TTL: variants seen among roughly 807,000 people sequenced by gnomAD.
TTL encodes the protein tubulin tyrosine ligase, also known as tubulin--tyrosine ligase.
In TTL, 10 loss-of-function variants were observed where a neutral mutation model predicts 41.1. The ratio of observed to expected loss-of-function variants is 0.24; its 90% CI spans 0.15 to 0.41. The LOEUF (loss-of-function observed/expected upper bound fraction) is 0.41, where lower values mean the gene tolerates loss of function less well. Ranked by LOEUF, TTL falls within the 10% of genes least tolerant of loss-of-function variation. TTL has a pLI of 1.00. For missense variants in TTL, 367 were observed against 460.4 expected (o/e 0.80, Z 1.86); for synonymous variants, 175 against 175.5 (o/e 1.00, Z 0.02).
chr2:112,511,181 AT>A (rs952388913), intron 5 of TTL, among the ~76,000 whole-genome samples: 1 of 151,348 alleles, frequency 6.6e-6, no homozygotes, highest in South Asian at 2.1e-4. Context: ...TGATTTTTGT[AT>A]TTTTTTTGTA....
chr2:112,524,644 A>C (rs565138184), intron 6 of TTL, among the ~76,000 whole-genome samples: 1 of 151,686 alleles, frequency 6.6e-6, no homozygotes, highest in African/African-American at 2.4e-5. Flanking sequence ...GGGTTGTTTG[A>C]TTTTTTCTTG....
chr2:112,515,138 A>AT (rs1229027270), intron 5 of TTL, among the ~76,000 whole-genome samples: 2 of 152,182 alleles, frequency 1.3e-5, no homozygotes, highest in African/African-American at 2.4e-5. Context: ...TTTCTTGAAG[A>AT]TAATGGCAAT....
At chr2:112,502,881 T>G (rs1431362948) in intron 4 of TTL, 31 bp from the exon 5 acceptor site, 4 of 1,580,080 alleles carry the variant, frequency 2.5e-6, no homozygotes, top group Non-Finnish European at 3.4e-6. Flanking sequence ...TTGGATGACT[T>G]GAGTAAAGCA....
In TTL at chr2:112,534,168, A is replaced by G. The variant is rs561040472; in HGVS notation, c.*5373A>G. On this transcript the variant is annotated 3_prime_UTR_variant, in exon 7 of 7. Coordinates refer to ENST00000233336, the MANE Select transcript of TTL (RefSeq NM_153712.5). The stretch of plus-strand genomic sequence containing the variant: ...ACCCCATCTCTACTAAAAATACAAA[A>G]AATTAGCCGGGCGCGGTGGCAGGTG... 1 of 152,112 alleles carries G rather than the reference A, an allele frequency of 6.6e-6. No homozygotes were observed. Among genetic ancestry groups the G allele is most frequent in the Non-Finnish European group, 1.5e-5 (1 of 68,146 alleles). 9.4% of individuals were successfully genotyped at this position (152,112 alleles called of 1,614,324 possible). A position where few individuals can be genotyped will look rare whatever the true frequency, so the allele number is the denominator to read the frequency against.
Position 112,539,904 on chromosome 2 carries a change from A to G in TTL, c.*11109A>G, listed in dbSNP as rs571877523. The G allele has an allele frequency of 2.0e-5, 3 of 152,374 alleles. No individual in the cohort carries two copies. The South Asian group carries it at 6.2e-4, about 32-fold the overall frequency. The allele number at this position is 152,374 out of a possible 1,614,324, so 9.4% of individuals were successfully genotyped here. ...CAAACAATTTGAAGTTAAGAAAACA[A>G]TTCCATTTATATCAACACCAAAAAG... On this transcript the variant is annotated 3_prime_UTR_variant, in exon 7 of 7. Coordinates refer to ENST00000233336, the MANE Select transcript of TTL (RefSeq NM_153712.5).
chr2:112,494,566 C>G (rs1473709756), intron 3 of TTL, among the ~76,000 whole-genome samples, 191 bp downstream of exon 3: 1 of 152,330 alleles, frequency 6.6e-6, no homozygotes, highest in Non-Finnish European at 1.5e-5. Flanking sequence ...CCTTTAAGCT[C>G]TAGATCCATT....
intron 5 of TTL, among the ~76,000 whole-genome samples, chr2:112,518,678 C>CT (rs11421229): frequency 0.41 from 57,907 of 140,052 alleles, 12,074 homozygotes; most frequent in East Asian, 0.58. Flanking sequence ...TTTTTCTTTT[C>CT]TTTTTTTTTT....
At chr2:112,486,239 G>A (rs979604593) in intron 2 of TTL, among the ~76,000 whole-genome samples, 1 of 152,188 alleles carries the variant, frequency 6.6e-6, no homozygotes, top group African/African-American at 2.4e-5. Flanking sequence ...GTGATTTCCT[G>A]GGGTAGGATT....
rs966449613 is a variant in TTL at position 112,523,336 on chromosome 2, G to A, written c.1019+2911G>A. Reference sequence around the variant, plus strand: ...TAACTCATCAGAAGAAACTGTCTGTGGGTGTGTGTGTGTCTGTGTGTGTGT... The same window carrying A: ...TAACTCATCAGAAGAAACTGTCTGTAGGTGTGTGTGTGTCTGTGTGTGTGT... On this transcript the variant is annotated intron_variant, in intron 6 of 6. Transcript: ENST00000233336. 1.1e-4 allele frequency among the ~76,000 whole-genome samples: 11 copies of A among 98,668 alleles called. No individual in the cohort carries two copies. In the East Asian group the frequency reaches 3.2e-3, roughly 29 times the overall value. The allele number at this position is 98,668 out of a possible 152,430, so 64.7% of individuals were successfully genotyped here.
rs1420203799 is a variant in TTL at position 112,513,428 on chromosome 2, T to A, written c.876-6854T>A. 2.0e-5 allele frequency among the ~76,000 whole-genome samples: 3 copies of A among 152,020 alleles called. No homozygotes were observed. In the East Asian group the frequency reaches 5.8e-4, roughly 29 times the overall value. On this transcript the variant is annotated intron_variant, in intron 5 of 6. Transcript: ENST00000233336. ...TATTTACCCATATACTTCCTTAAGT[T>A]TTAAAGTTCTGACTCTCTCTCTTAT...
At position 112,494,200 on chromosome 2, in the gene TTL, T is replaced by C. The variant is rs776433570; in HGVS notation, c.294T>C (p.Tyr98=). ...CCTGCACATGGTTCCCTGAATCTTATGTGATTTATCCAACCAATCTCAAGA... is the reference window on the plus strand; with the variant it reads ...CCTGCACATGGTTCCCTGAATCTTACGTGATTTATCCAACCAATCTCAAGA... The part of the protein sequence containing the change: ...AESCTWFPES[Y]VIYPTNLKTP... Residue 98 remains tyrosine (Y), a synonymous_variant, in exon 3 of 7, where the codon TAT becomes TAC. Transcript: ENST00000233336. 1.3e-5 allele frequency: 21 copies of C among 1,614,098 alleles called. No homozygotes were observed. Among genetic ancestry groups the C allele is most frequent in the East Asian group, 4.5e-5 (2 of 44,904 alleles).
intron 2 of TTL, among the ~76,000 whole-genome samples, chr2:112,488,339 T>G (rs941589589): frequency 6.6e-6 from 1 of 152,234 alleles, no homozygotes; most frequent in African/African-American, 2.4e-5. Flanking sequence ...GTCTTGGTTC[T>G]GTGCAGGAAA....
chr2:112,514,380 T>A lies in TTL; in HGVS notation c.876-5902T>A, dbSNP rs1173699857. Among the ~76,000 whole-genome samples, 5 of 124,826 alleles carry A rather than the reference T, an allele frequency of 4.0e-5. No homozygotes were observed. In the East Asian group the frequency reaches 1.3e-3, roughly 33 times the overall value. 81.9% of individuals were successfully genotyped at this position (124,826 alleles called of 152,430 possible). ...CTGGGTGACAGAGCAAGACTCTGTT[T>A]CAAAAAAAAAAAAACTAATTTTTAG... is the stretch of plus-strand genomic sequence containing the variant. On this transcript the variant is annotated intron_variant, in intron 5 of 6. Transcript: ENST00000233336.
At chr2:112,490,045 A>G (rs1298124182) in intron 2 of TTL, among the ~76,000 whole-genome samples, 2 of 152,204 alleles carry the variant, frequency 1.3e-5, no homozygotes, top group African/African-American at 2.4e-5. Flanking sequence ...TTCTGTTTCC[A>G]TGAACTGGAG....
chr2:112,499,498 A>G (rs1333787331), intron 3 of TTL, among the ~76,000 whole-genome samples: 1 of 152,228 alleles, frequency 6.6e-6, no homozygotes, highest in Admixed American at 6.5e-5. Context: ...TTCACACCTC[A>G]TACAAAAACT....
intron 2 of TTL, among the ~76,000 whole-genome samples, chr2:112,492,441 T>C (rs1681413177): frequency 6.6e-6 from 1 of 151,982 alleles, no homozygotes; most frequent in Non-Finnish European, 1.5e-5. Context: ...AAAAATTAGC[T>C]GGGTGTGGGC....
intron 2 of TTL, among the ~76,000 whole-genome samples, chr2:112,488,784 C>A (rs1444199220): frequency 7.3e-6 from 1 of 137,430 alleles, no homozygotes; most frequent in Non-Finnish European, 1.6e-5. Flanking sequence ...AAAGTAACAG[C>A]TGCAATTAAA....
chr2:112,527,951 C>T (rs1266430443), intron 6 of TTL, among the ~76,000 whole-genome samples: 2 of 152,106 alleles, frequency 1.3e-5, no homozygotes, highest in Non-Finnish European at 2.9e-5. Flanking sequence ...TGGCTGGTAC[C>T]AGTTGTTCCT....
Position 112,536,632 on chromosome 2 carries a change from T to C in TTL, c.*7837T>C, listed in dbSNP as rs1682603398. On this transcript the variant is annotated 3_prime_UTR_variant, in exon 7 of 7. Coordinates refer to ENST00000233336, the MANE Select transcript of TTL (RefSeq NM_153712.5). ...TGGGGTACAGATCCCATTACCCAAG[T>C]AGTAAGCATAGTACCTAATGGTTAG... 6.6e-6 allele frequency: 1 copy of C among 152,172 alleles called. No individual in the cohort carries two copies. The highest frequency in any genetic ancestry group is 2.1e-4 in the South Asian group (1 of 4,826). 9.4% of individuals were successfully genotyped at this position (152,172 alleles called of 1,614,324 possible). A position where few individuals can be genotyped will look rare whatever the true frequency, so the allele number is the denominator to read the frequency against.
Sources: gnomAD v4.1 joint callset for allele counts (sites outside exome capture counted in the v4.1 genomes callset) on GRCh38, gnomAD v4.1.1 for gene constraint, MANE v1.5 for transcripts, NCBI Gene and HGNC (gene_info 2026-07-23, HGNC 2026-07-21) for gene names.